Variants in ANAPC4 observed in about 807,000 individuals in gnomAD.
ANAPC4 encodes anaphase promoting complex subunit 4.
A neutral mutation model predicts 119.8 loss-of-function variants in ANAPC4; 63 were observed. The observed-to-expected ratio is 0.53, with a 90% CI of 0.43 to 0.65. The LOEUF is 0.65. Ranked by LOEUF, ANAPC4 falls within the 30% of genes least tolerant of loss-of-function variation. The probability of loss-of-function intolerance (pLI) is 0.00; values close to 1 mark genes in which losing one functional copy is unlikely to be tolerated. For missense variants in ANAPC4, 716 were observed against 945.1 expected (o/e 0.76, Z 3.18); for synonymous variants, 283 against 318.6 (o/e 0.89, Z 1.19).
chr4:25,418,180 G>A lies in ANAPC4; in HGVS notation c.2225G>A (p.Arg742Lys). 1 of 1,613,910 alleles carries A rather than the reference G, an allele frequency of 6.2e-7. No homozygotes were observed. The highest frequency in any genetic ancestry group is 8.5e-7 in the Non-Finnish European group (1 of 1,179,920). ...CVLSSNLRHVRVFEMDIDDEW... is the reference protein window; with the variant it reads ...CVLSSNLRHVKVFEMDIDDEW... The stretch of plus-strand genomic sequence containing the variant: ...TTAAGCTCAAATCTTCGTCATGTGA[G>A]AGTATTTGAAATGGACATAGATGAT... Residue 742 changes from arginine to lysine, a missense_variant, in exon 29 of 29, where the codon AGA becomes AAA. Physicochemically the swap from Arg to Lys is conservative, Grantham distance 26. This residue lies in a region of ANAPC4 where 504 missense variants were observed against 615.8 expected (regional missense o/e 0.82). Coordinates refer to ENST00000315368, the MANE Select transcript of ANAPC4 (RefSeq NM_013367.3).
chr4:25,402,965 C>T lies in ANAPC4; in HGVS notation c.1215-6C>T. On this transcript the variant is annotated splice_polypyrimidine_tract_variant and splice_region_variant and intron_variant, in intron 16 of 28. Coordinates refer to ENST00000315368, the MANE Select transcript of ANAPC4 (RefSeq NM_013367.3). Reference sequence around the variant, plus strand: ...TATTTCTGATTTTTTGTTTTTATCTCTTTAGAGTTATAGATAGTAGTATGA... The same window carrying T: ...TATTTCTGATTTTTTGTTTTTATCTTTTTAGAGTTATAGATAGTAGTATGA... 1 of 1,556,678 alleles carries T rather than the reference C, an allele frequency of 6.4e-7. No homozygotes were observed. The highest frequency in any genetic ancestry group is 8.8e-7 in the Non-Finnish European group (1 of 1,136,690).
chr4:25,394,703 TAACAGTA>T lies in ANAPC4; in HGVS notation c.977_983del (p.Thr326ArgfsTer3), dbSNP rs781134668. ...CTTCAGACTCTCTTGATGAATCAGTTAACAGTAAAGGTGCAGTTAATGTATCTATGTA... is the reference window on the plus strand; with the variant it reads ...CTTCAGACTCTCTTGATGAATCAGTTAAGGTGCAGTTAATGTATCTATGTA... On this transcript the variant is annotated frameshift_variant, in exon 13 of 29. Coordinates refer to ENST00000315368, the MANE Select transcript of ANAPC4 (RefSeq NM_013367.3). LOFTEE classifies it high-confidence loss of function. 1.9e-6 allele frequency: 3 copies of T among 1,603,814 alleles called. No homozygotes were observed. Among genetic ancestry groups the T allele is most frequent in the Non-Finnish European group, 2.5e-6 (3 of 1,177,406 alleles).
intron 9 of ANAPC4, among the ~76,000 whole-genome samples, chr4:25,391,546 C>T (rs1230917056): frequency 6.6e-6 from 1 of 152,196 alleles, no homozygotes; most frequent in Non-Finnish European, 1.5e-5. Flanking sequence ...TAGCACATTG[C>T]ATCTTGTGTA....
chr4:25,381,189 T>C (rs2109108704), intron 3 of ANAPC4, among the ~76,000 whole-genome samples: 1 of 152,372 alleles, frequency 6.6e-6, no homozygotes, highest in South Asian at 2.1e-4. Context: ...TGTTGTTCTT[T>C]GCTTAATTTT....
At chr4:25,401,575 T>TGGGCTTCTCCAAGGCGG (rs911862630) in intron 16 of ANAPC4, among the ~76,000 whole-genome samples, 1 of 152,238 alleles carries the variant, frequency 6.6e-6, no homozygotes, top group African/African-American at 2.4e-5. Flanking sequence ...TGAGCATCCC[T>TGGGCTTCTCCAAGGCGG]GGGCTTCTCC....
chr4:25,388,652 C>A (rs1722171131), intron 5 of ANAPC4, 65 bp from the exon 6 acceptor site: 1 of 1,559,640 alleles, frequency 6.4e-7, no homozygotes, highest in Non-Finnish European at 8.8e-7. Flanking sequence ...ACAATTTTCT[C>A]ATGCGTTTTA....
chr4:25,416,029 C>T (rs2168972), intron 26 of ANAPC4: 68,394 of 165,090 alleles, frequency 0.41, 16,357 homozygotes, highest in Non-Finnish European at 0.52. Context: ...TGATAAAGTC[C>T]TTGGAGTTGC....
intron 26 of ANAPC4, chr4:25,415,876 A>C: frequency 4.8e-6 from 1 of 208,236 alleles, no homozygotes; most frequent in Non-Finnish European, 9.4e-6. Context: ...AGGTGATGCC[A>C]TTCTTAGTGA....
At position 25,397,887 on chromosome 4, in the gene ANAPC4, ATTATTC is replaced by A. The variant is rs568134352; in HGVS notation, c.1214+991_1214+996del. On this transcript the variant is annotated intron_variant, in intron 16 of 28. Coordinates refer to ENST00000315368, the MANE Select transcript of ANAPC4 (RefSeq NM_013367.3). ...GCCATTTTAACCTGAATTCTCTTGT[ATTATTC>A]TTTTAATAATTTACTCCTCCCTCTT... 4.6e-5 allele frequency among the ~76,000 whole-genome samples: 7 copies of A among 151,490 alleles called. No homozygotes were observed. The East Asian group carries it at 7.8e-4, about 17-fold the overall frequency.
At chr4:25,396,523 G>C in intron 14 of ANAPC4, 141 bp from the exon 15 acceptor site, 1 of 665,508 alleles carries the variant, frequency 1.5e-6, no homozygotes, top group Non-Finnish European at 2.5e-6. Context: ...TTTAGGAACA[G>C]TTTTGAGAAA....
chr4:25,407,023 T>C (rs1723287329), intron 19 of ANAPC4, 138 bp downstream of exon 19: 1 of 897,474 alleles, frequency 1.1e-6, no homozygotes. Context: ...GAACTAATTA[T>C]GTTTATAAAC....
chr4:25,393,781 T>C, intron 10 of ANAPC4, 24 bp from the exon 11 acceptor site: 1 of 1,493,858 alleles, frequency 6.7e-7, no homozygotes, highest in Non-Finnish European at 9.1e-7. Flanking sequence ...TTTTACCATT[T>C]CAATTTTTCT....
At chr4:25,417,480 C>A in intron 27 of ANAPC4, 136 bp from the exon 28 acceptor site, 1 of 896,756 alleles carries the variant, frequency 1.1e-6, no homozygotes, top group Non-Finnish European at 1.6e-6. Context: ...TCTAACACAA[C>A]AGTTGCTAAA....
Position 25,390,139 on chromosome 4 carries a change from T to C in ANAPC4, c.519T>C (p.Leu173=), listed in dbSNP as rs1004061270. ...TTGTTGCATTGTTTTTAATTAGGCT[T>C]AATATTCTCGTCCTTGGAGGAAGCT... The part of the protein sequence containing the change: ...EIIKLLGDVR[L]NILVLGGSSG... Residue 173 remains leucine, a synonymous_variant, in exon 8 of 29, where the codon CTT becomes CTC. Coordinates refer to ENST00000315368, the MANE Select transcript of ANAPC4 (RefSeq NM_013367.3). 2 of 1,610,570 alleles carry C rather than the reference T, an allele frequency of 1.2e-6. No individual in the cohort carries two copies.
intron 22 of ANAPC4, 99 bp downstream of exon 22, chr4:25,413,841 G>C: frequency 1.1e-6 from 1 of 936,066 alleles, no homozygotes; most frequent in African/African-American, 1.7e-5. Flanking sequence ...AATGAACTAT[G>C]AAAATGTTGA....
intron 16 of ANAPC4, among the ~76,000 whole-genome samples, chr4:25,397,576 T>C (rs767563420): frequency 6.6e-6 from 1 of 152,168 alleles, no homozygotes; most frequent in Non-Finnish European, 1.5e-5. Context: ...AAACTTTATC[T>C]CCTTTTGTGT....
At chr4:25,409,614 T>G in intron 20 of ANAPC4, 84 bp from the exon 21 acceptor site, 1 of 1,023,992 alleles carries the variant, frequency 9.8e-7, no homozygotes, top group Admixed American at 2.4e-5. Context: ...TAAACTTAAC[T>G]TTTTTTTGTC....
chr4:25,382,114 C>CT (rs549784708), intron 3 of ANAPC4, among the ~76,000 whole-genome samples: 2 of 82,214 alleles, frequency 2.4e-5, no homozygotes, highest in Non-Finnish European at 5.7e-5. Flanking sequence ...ATAGCTTTTT[C>CT]TTTTTTTTCC....
intron 3 of ANAPC4, 24 bp from the exon 4 acceptor site, chr4:25,383,237 T>C (rs1721843142): frequency 6.3e-7 from 1 of 1,578,274 alleles, no homozygotes; most frequent in Non-Finnish European, 8.6e-7. Flanking sequence ...ACTAATTTAT[T>C]CTGATTGTTT....
Sources: gnomAD v4.1 joint callset for allele counts (sites outside exome capture counted in the v4.1 genomes callset) on GRCh38, gnomAD v4.1.1 for gene constraint, gnomAD v4.1.1 regional missense constraint, MANE v1.5 for transcripts, NCBI Gene and HGNC (gene_info 2026-07-23, HGNC 2026-07-21) for gene names.